Variants in SLC14A1 observed in about 807,000 individuals in gnomAD.
SLC14A1 encodes the protein solute carrier family 14 member 1 (Kidd blood group), also known as urea transporter 1.
A neutral mutation model predicts 39.6 loss-of-function variants in SLC14A1; 36 were observed. That is an observed-to-expected ratio of 0.91 (90% confidence interval 0.70 to 1.20). The LOEUF is 1.20. Among genes scored for constraint, SLC14A1 ranks in the 50% most tolerant of loss-of-function variants. The pLI, the probability that SLC14A1 is intolerant of heterozygous loss-of-function variation, is 0.00. For missense variants in SLC14A1, 469 were observed against 478.7 expected, an observed-to-expected ratio of 0.98 and a Z score of 0.19; for synonymous variants, 164 against 173.6, an observed-to-expected ratio of 0.94 and a Z score of 0.43.
chr18:45,749,104 T>C (rs1347576366), intron 9 of SLC14A1, among the ~76,000 whole-genome samples: 1 of 152,044 alleles, frequency 6.6e-6, no homozygotes, highest in African/African-American at 2.4e-5. Context: ...CTTTGGTATT[T>C]CTGATAGAGT....
intron 7 of SLC14A1, 46 bp downstream of exon 7, chr18:45,739,356 C>T: frequency 6.2e-7 from 1 of 1,613,430 alleles, no homozygotes; most frequent in African/African-American, 1.3e-5. Flanking sequence ...TCCTCCATCC[C>T]ATGCATTGCC....
chr18:45,748,309 C>A, intron 8 of SLC14A1, 67 bp from the exon 9 acceptor site: 1 of 1,520,132 alleles, frequency 6.6e-7, no homozygotes, highest in Non-Finnish European at 9.1e-7. Flanking sequence ...TATTGGAAGG[C>A]AGCCTTTCCT....
rs146291857 is a variant in SLC14A1 at position 45,750,414 on chromosome 18, T to A, written c.*463T>A. The A allele has an allele frequency of 1.7e-4, 179 of 1,082,524 alleles. No homozygotes were observed. The African/African-American group carries it at 2.6e-3, about 16-fold the overall frequency. 67.1% of individuals were successfully genotyped at this position (1,082,524 alleles called of 1,614,324 possible). The stretch of plus-strand genomic sequence containing the variant: ...GTGATAAGCAGCTTGGCTTTTTTTT[T>A]AAATCAATGCAAGTTACACATTATA... On this transcript the variant is annotated 3_prime_UTR_variant, in exon 10 of 10. Coordinates refer to ENST00000321925, the MANE Select transcript of SLC14A1 (RefSeq NM_015865.7).
intron 4 of SLC14A1, 163 bp from the exon 5 acceptor site, chr18:45,734,105 ATGTCTT>A: frequency 1.3e-6 from 1 of 794,416 alleles, no homozygotes; most frequent in East Asian, 2.8e-5. Context: ...ATTTCACTTC[ATGTCTT>A]TATTAGTTTT....
At position 45,739,594 on chromosome 18, in the gene SLC14A1, C is replaced by T; in HGVS notation, c.878C>T (p.Ala293Val). Residue 293 changes from alanine (A) to valine (V), a missense_variant, in exon 8 of 10, where the codon GCC becomes GTC. Ala to Val is a moderately conservative substitution (Grantham distance 64). Transcript: ENST00000321925. ...CTCTGGGGTTTCAACAGCTCTCTGG[C>T]CTGCATTGCAATGGGAGGAATGTTC... ...FGLWGFNSSLACIAMGGMFMA... is the reference protein window; with the variant it reads ...FGLWGFNSSLVCIAMGGMFMA... 1 of 1,614,166 alleles carries T rather than the reference C, an allele frequency of 6.2e-7. No homozygotes were observed. Among genetic ancestry groups the T allele is most frequent in the Non-Finnish European group, 8.5e-7 (1 of 1,180,002 alleles).
In SLC14A1 at chr18:45,748,405, A is replaced by G; in HGVS notation, c.976A>G (p.Met326Val). 1 of 1,614,018 alleles carries G rather than the reference A, an allele frequency of 6.2e-7. No individual in the cohort carries two copies. The highest frequency in any genetic ancestry group is 1.3e-5 in the African/African-American group (1 of 74,970). ...GTTCACGGCCTATCTTGGAGTCGGC[A>G]TGGCAAACTTTATGGCTGAGGTGAG... The part of the protein sequence containing the change: ...ALFTAYLGVG[M>V]ANFMAEVGLP... Residue 326 changes from methionine (M) to valine (V), a missense_variant, in exon 9 of 10, where the codon ATG becomes GTG. Coordinates refer to ENST00000321925, the MANE Select transcript of SLC14A1 (RefSeq NM_015865.7).
chr18:45,730,395 TCA>T lies in SLC14A1; in HGVS notation c.76_77del (p.Gln26ArgfsTer15), dbSNP rs2046993602. The T allele has an allele frequency of 3.7e-6, 6 of 1,614,184 alleles. No individual in the cohort carries two copies. The highest frequency in any genetic ancestry group is 5.1e-6 in the Non-Finnish European group (6 of 1,180,018). ...GGGGTGAAAACCAGGTTTCGCCATG[TCA>T]AGGGAGAAGGTGCTTCCCCAAAGCT... ...VRGENQVSPC[Q>X]GRRCFPKALG... is the part of the protein sequence containing the mutation. On this transcript the variant is annotated frameshift_variant, in exon 3 of 10. Coordinates refer to ENST00000321925, the MANE Select transcript of SLC14A1 (RefSeq NM_015865.7). LOFTEE classifies it high-confidence loss of function.
chr18:45,731,382 T>C (rs1384120793), intron 4 of SLC14A1, 178 bp downstream of exon 4: 1 of 681,224 alleles, frequency 1.5e-6, no homozygotes, highest in African/African-American at 1.8e-5. Flanking sequence ...CTCTTGCTCT[T>C]GATATCTGAA....
chr18:45,727,153 C>G lies in SLC14A1; in HGVS notation c.-22+2140C>G, dbSNP rs574752711. The G allele has an allele frequency of 1.1e-4, 109 of 1,035,112 alleles. 1 individual carries two copies. The South Asian group carries it at 1.5e-3, about 14-fold the overall frequency. The allele number at this position is 1,035,112 out of a possible 1,614,324, so 64.1% of individuals were successfully genotyped here. A position where few individuals can be genotyped will look rare whatever the true frequency, so the allele number is the denominator to read the frequency against. On this transcript the variant is annotated intron_variant, in intron 2 of 9. Coordinates refer to ENST00000321925, the MANE Select transcript of SLC14A1 (RefSeq NM_015865.7). ...GGGCCACATCTTCCCTCACCAGGAA[C>G]CCAGTGGGCGCGCTCCAGCCCCCCT...
intron 4 of SLC14A1, among the ~76,000 whole-genome samples, chr18:45,731,826 T>C (rs1199976439): frequency 6.6e-6 from 1 of 152,234 alleles, no homozygotes; most frequent in Non-Finnish European, 1.5e-5. Context: ...AGCTCCCCAC[T>C]AGCCAGTTCC....
At chr18:45,733,546 C>G (rs936805256) in intron 4 of SLC14A1, among the ~76,000 whole-genome samples, 1 of 152,178 alleles carries the variant, frequency 6.6e-6, no homozygotes, top group Non-Finnish European at 1.5e-5. Context: ...CAAACTTAAG[C>G]AACAGTTTCA....
At chr18:45,741,008 T>C (rs1282082017) in intron 8 of SLC14A1, 2 of 152,288 alleles carry the variant, frequency 1.3e-5, no homozygotes, top group East Asian at 1.9e-4. Context: ...TACTTTACTG[T>C]TGGGGTCCTG....
chr18:45,732,637 GC>G (rs11350990), intron 4 of SLC14A1, among the ~76,000 whole-genome samples: 64,619 of 151,968 alleles, frequency 0.43, 14,509 homozygotes, highest in East Asian at 0.52. Context: ...TCCCTTACCA[GC>G]CCCTGCAGTG....
chr18:45,740,189 G>C (rs750079362), intron 8 of SLC14A1, among the ~76,000 whole-genome samples: 1 of 152,174 alleles, frequency 6.6e-6, no homozygotes, highest in Admixed American at 6.5e-5. Flanking sequence ...CTTGTCTTGC[G>C]TTCTTCAAAC....
intron 2 of SLC14A1, among the ~76,000 whole-genome samples, chr18:45,725,843 C>T (rs1003113798): frequency 6.6e-6 from 1 of 152,172 alleles, no homozygotes; most frequent in African/African-American, 2.4e-5. Flanking sequence ...TCCTACCTAG[C>T]TCTCAAATTT....
rs988109491 is a variant in SLC14A1 at position 45,739,761 on chromosome 18, G to A, written c.946+99G>A. On this transcript the variant is annotated intron_variant, in intron 8 of 9. Transcript: ENST00000321925. ...GGACTGCATGAAAAATCAGGGCCAG[G>A]GTTCTGGCTTGAGCCCACTTGCTGT... 105 of 1,546,450 alleles carry A rather than the reference G, an allele frequency of 6.8e-5. No homozygotes were observed. In the Admixed American group the frequency reaches 1.8e-3, roughly 26 times the overall value.
In SLC14A1 at chr18:45,750,806, C is replaced by T. The variant is rs1196466533; in HGVS notation, c.*855C>T. On this transcript the variant is annotated 3_prime_UTR_variant, in exon 10 of 10. Coordinates refer to ENST00000321925, the MANE Select transcript of SLC14A1 (RefSeq NM_015865.7). ...CTCAGCTTAGGCATTTTTACTTTAA[C>T]CCCTAAATTGATTTTGTAAATGCCA... 9.1e-6 allele frequency: 9 copies of T among 984,682 alleles called. No individual in the cohort carries two copies. The highest frequency in any genetic ancestry group is 1.7e-5 in the African/African-American group (1 of 57,190). 61.0% of individuals were successfully genotyped at this position (984,682 alleles called of 1,614,324 possible).
intron 8 of SLC14A1, among the ~76,000 whole-genome samples, chr18:45,742,771 G>A (rs1032051634): frequency 2.7e-5 from 4 of 148,828 alleles, no homozygotes; most frequent in African/African-American, 5.2e-5. Flanking sequence ...TCTGCCTCCC[G>A]GGTCCCGGTT....
At chr18:45,738,419 G>A (rs1237964013) in intron 6 of SLC14A1, among the ~76,000 whole-genome samples, 1 of 152,170 alleles carries the variant, frequency 6.6e-6, no homozygotes, top group Non-Finnish European at 1.5e-5. Flanking sequence ...GTTAAACCTT[G>A]TTCACTCCTG....
Sources: allele counts gnomAD v4.1 joint callset (sites outside exome capture counted in the v4.1 genomes callset), GRCh38; gene constraint gnomAD v4.1.1; transcripts MANE v1.5; gene names NCBI Gene and HGNC (gene_info 2026-07-23, HGNC 2026-07-21).